The following SPINK8 variants were observed in gnomAD, a reference collection of about 807,000 sequenced individuals.
SPINK8 encodes serine protease inhibitor Kazal-type 8.
A neutral mutation model predicts 14.4 loss-of-function variants in SPINK8; 12 were observed. That is an observed-to-expected ratio of 0.83 (90% CI 0.53 to 1.35). The LOEUF is 1.35. Ranked by LOEUF, SPINK8 falls within the 40% of genes most tolerant of loss-of-function variation. The pLI, the probability that SPINK8 is intolerant of heterozygous loss-of-function variation, is 0.00. For synonymous variants in SPINK8, 32 were observed against 37.6 expected (o/e 0.85, Z 0.55); for missense variants, 103 against 117.0 (o/e 0.88, Z 0.55).
intron 7 of SPINK8, among the ~76,000 whole-genome samples, chr3:48,307,965 T>A: frequency 1.2e-5 from 1 of 84,176 alleles, no homozygotes; most frequent in African/African-American, 3.6e-5. Flanking sequence ...TGCATTCTTT[T>A]TTTTTTTTTT....
At chr3:48,307,137 G>T in intron 7 of SPINK8, 134 bp from the exon 8 acceptor site, 1 of 874,238 alleles carries the variant, frequency 1.1e-6, no homozygotes, top group Non-Finnish European at 1.8e-6. Flanking sequence ...GCAGGTTAGA[G>T]ACATTCTAAT....
chr3:48,322,040 T>C lies in SPINK8; in HGVS notation c.68-966A>G, dbSNP rs573529099. Among the ~76,000 whole-genome samples the C allele has an allele frequency of 2.6e-5, 4 of 152,178 alleles. No homozygotes were observed. The South Asian group carries it at 8.3e-4, about 32-fold the overall frequency. ...TACGTTGTACAGGCTGGTCTGGAAT[T>C]CCTGGGCTTAAGCAATTCTCCCACT... On this transcript the variant is annotated intron_variant, in intron 4 of 7. Coordinates refer to ENST00000434006, the MANE Select transcript of SPINK8 (RefSeq NM_001080525.3).
intron 7 of SPINK8, 140 bp from the exon 8 acceptor site, chr3:48,307,143 C>G (rs2035859868): frequency 3.7e-6 from 3 of 812,222 alleles, no homozygotes; most frequent in Non-Finnish European, 5.8e-6. Flanking sequence ...TAGAGACATT[C>G]TAATTTCACT....
chr3:48,315,781 A>G (rs1371799674), intron 6 of SPINK8, among the ~76,000 whole-genome samples: 24 of 151,512 alleles, frequency 1.6e-4, no homozygotes, highest in Non-Finnish European at 1.5e-5. Context: ...ACAAAGAACT[A>G]AAGGCAAGTA....
At chr3:48,316,886 G>C (rs1192564646) in intron 6 of SPINK8, among the ~76,000 whole-genome samples, 3 of 152,192 alleles carry the variant, frequency 2.0e-5, no homozygotes, top group Non-Finnish European at 1.5e-5. Flanking sequence ...GATATGTCTA[G>C]ATAAAGAAGA....
Position 48,306,890 on chromosome 3 carries a change from C to T in SPINK8, c.*102G>A. The T allele has an allele frequency of 1.6e-6, 2 of 1,223,882 alleles. No individual in the cohort carries two copies. The highest frequency in any genetic ancestry group is 1.4e-5 in the South Asian group (1 of 69,776). 75.8% of individuals were successfully genotyped at this position (1,223,882 alleles called of 1,614,324 possible). A position where few individuals can be genotyped will look rare whatever the true frequency, so the allele number is the denominator to read the frequency against. On this transcript the variant is annotated 3_prime_UTR_variant, in exon 8 of 8. Transcript: ENST00000434006. ...GAAGACATAAATCAACGAGTTTGAT[C>T]CAACCATTAGTAATTAAAGGGGATA...
chr3:48,320,960 G>C, intron 5 of SPINK8, 65 bp downstream of exon 5: 2 of 1,512,870 alleles, frequency 1.3e-6, no homozygotes, highest in South Asian at 1.2e-5. Flanking sequence ...GAAAGAGCTG[G>C]GGCTTTTGGG....
At chr3:48,314,234 A>G (rs756976049) in intron 6 of SPINK8, among the ~76,000 whole-genome samples, 27 of 152,106 alleles carry the variant, frequency 1.8e-4, no homozygotes, top group Admixed American at 6.6e-5. Context: ...TTGCTTGGAC[A>G]GTGAAAATGG....
intron 4 of SPINK8, among the ~76,000 whole-genome samples, chr3:48,323,554 T>C (rs1451766773): frequency 6.6e-6 from 1 of 152,264 alleles, no homozygotes; most frequent in Non-Finnish European, 1.5e-5. Flanking sequence ...TGTTTTCTTC[T>C]AATAGTTTTA....
At chr3:48,330,317 G>A (rs765229068) in intron 2 of SPINK8, among the ~76,000 whole-genome samples, 1 of 152,104 alleles carries the variant, frequency 6.6e-6, no homozygotes, top group African/African-American at 2.4e-5. Flanking sequence ...CTAGGAGTTC[G>A]AGACCGGCTT....
At chr3:48,308,568 G>A (rs2107078655) in intron 7 of SPINK8, among the ~76,000 whole-genome samples, 1 of 152,304 alleles carries the variant, frequency 6.6e-6, no homozygotes, top group East Asian at 1.9e-4. Flanking sequence ...TAGTCCAAAT[G>A]TGATGAAAGG....
At chr3:48,317,381 G>A (rs2036007263) in intron 6 of SPINK8, among the ~76,000 whole-genome samples, 1 of 151,996 alleles carries the variant, frequency 6.6e-6, no homozygotes, top group African/African-American at 2.4e-5. Flanking sequence ...CCAGCTACTC[G>A]GGAAGCTGAG....
intron 4 of SPINK8, among the ~76,000 whole-genome samples, chr3:48,327,233 G>A (rs1230119639): frequency 2.0e-5 from 3 of 152,190 alleles, no homozygotes; most frequent in Admixed American, 6.5e-5. Context: ...AACGGTTAAG[G>A]AGAATATAAA....
chr3:48,308,738 G>A (rs537777772), intron 7 of SPINK8, among the ~76,000 whole-genome samples: 1 of 152,152 alleles, frequency 6.6e-6, no homozygotes, highest in South Asian at 2.1e-4. Flanking sequence ...CTTTACTTTG[G>A]CACATAAGTG....
chr3:48,325,882 G>T (rs1281138488), intron 4 of SPINK8, among the ~76,000 whole-genome samples: 2 of 151,348 alleles, frequency 1.3e-5, no homozygotes, highest in African/African-American at 4.9e-5. Context: ...ACAGGCATGA[G>T]CCACCATGCC....
chr3:48,327,678 T>C, intron 4 of SPINK8, among the ~76,000 whole-genome samples: 1 of 152,182 alleles, frequency 6.6e-6, no homozygotes, highest in East Asian at 1.9e-4. Context: ...CAGGCTTATT[T>C]GTTTTTTACG....
intron 6 of SPINK8, among the ~76,000 whole-genome samples, chr3:48,311,133 AC>A (rs2035919586): frequency 6.6e-6 from 1 of 152,224 alleles, no homozygotes; most frequent in Non-Finnish European, 1.5e-5. Context: ...ACAGAAAAAC[AC>A]TGCATGATAA....
At chr3:48,308,915 T>C (rs1449221684) in intron 7 of SPINK8, among the ~76,000 whole-genome samples, 1 of 152,232 alleles carries the variant, frequency 6.6e-6, no homozygotes, top group Non-Finnish European at 1.5e-5. Flanking sequence ...GGATTTTTAA[T>C]GAGTAAGCCC....
At chr3:48,308,952 G>A (rs181688201) in intron 7 of SPINK8, among the ~76,000 whole-genome samples, 1 of 152,212 alleles carries the variant, frequency 6.6e-6, no homozygotes, top group African/African-American at 2.4e-5. Flanking sequence ...GACAGAAGTA[G>A]AAATTATGTG....
Sources: gnomAD v4.1 joint callset for allele counts (sites outside exome capture counted in the v4.1 genomes callset) on GRCh38, gnomAD v4.1.1 for gene constraint, MANE v1.5 for transcripts, NCBI Gene and HGNC (gene_info 2026-07-23, HGNC 2026-07-21) for gene names.